RCSD1: variants seen among roughly 807,000 people sequenced by gnomAD.
RCSD1 encodes the protein capZ-interacting protein.
RCSD1 carries 26 observed loss-of-function variants against 42.5 expected under a neutral mutation model. The ratio of observed to expected loss-of-function variants is 0.61; its 90% CI spans 0.45 to 0.85. The LOEUF (loss-of-function observed/expected upper bound fraction) is 0.85, where lower values mean the gene tolerates loss of function less well. RCSD1 is among the 40% of genes least tolerant of loss of function. The pLI is 0.00. For synonymous variants in RCSD1, 220 were observed against 212.2 expected (o/e 1.04, Z -0.32); for missense variants, 571 against 528.3 (o/e 1.08, Z -0.79).
chr1:167,642,153 G>T (rs1386067042), intron 1 of RCSD1: 3 of 152,216 alleles, frequency 2.0e-5, no homozygotes, highest in African/African-American at 7.2e-5. Flanking sequence ...GGGGCAGGAA[G>T]TACCATCCTC....
chr1:167,658,354 T>G (rs962450160), intron 1 of RCSD1, among the ~76,000 whole-genome samples: 4 of 152,236 alleles, frequency 2.6e-5, no homozygotes, highest in Non-Finnish European at 2.9e-5. Context: ...TAGTGTTATA[T>G]AAACTTATCT....
At chr1:167,682,384 G>C (rs903579895) in intron 1 of RCSD1, among the ~76,000 whole-genome samples, 1 of 152,130 alleles carries the variant, frequency 6.6e-6, no homozygotes, top group Non-Finnish European at 1.5e-5. Flanking sequence ...GGCTAGACTG[G>C]TCTCGAACTT....
At chr1:167,667,475 T>G (rs1179548606) in intron 1 of RCSD1, among the ~76,000 whole-genome samples, 1 of 152,240 alleles carries the variant, frequency 6.6e-6, no homozygotes, top group African/African-American at 2.4e-5. Flanking sequence ...AACAGATATA[T>G]TCAACCACTC....
intron 1 of RCSD1, among the ~76,000 whole-genome samples, chr1:167,672,408 C>G (rs1246303667): frequency 6.6e-6 from 1 of 152,174 alleles, no homozygotes; most frequent in Non-Finnish European, 1.5e-5. Flanking sequence ...TTCTGGAGGT[C>G]AAAAGCTCAA....
intron 1 of RCSD1, among the ~76,000 whole-genome samples, chr1:167,672,707 C>A (rs6427098): frequency 0.51 from 77,789 of 151,994 alleles, 20,408 homozygotes; most frequent in East Asian, 0.65. Context: ...CCATCTGTAA[C>A]CTTAATTCCT....
intron 1 of RCSD1, among the ~76,000 whole-genome samples, chr1:167,682,172 C>CTCT (rs1659097267): frequency 7.1e-6 from 1 of 140,510 alleles, no homozygotes; most frequent in African/African-American, 2.7e-5. Flanking sequence ...TAAACGAAGC[C>CTCT]TTTTTTTTTT....
intron 2 of RCSD1, 41 bp downstream of exon 2, chr1:167,684,042 C>T (rs750302497): frequency 1.3e-6 from 2 of 1,531,524 alleles, no homozygotes; most frequent in Admixed American, 1.7e-5. Context: ...CAGCAGCGGG[C>T]AGGAGGAAAG....
At chr1:167,672,690 C>A (rs2143303) in intron 1 of RCSD1, among the ~76,000 whole-genome samples, 1 of 152,198 alleles carries the variant, frequency 6.6e-6, no homozygotes, top group Non-Finnish European at 1.5e-5. Flanking sequence ...GACTGGCAGC[C>A]TTAATTCCAT....
At chr1:167,691,462 G>C (rs1189024220) in intron 4 of RCSD1, among the ~76,000 whole-genome samples, 1 of 152,242 alleles carries the variant, frequency 6.6e-6, no homozygotes, top group Non-Finnish European at 1.5e-5. Flanking sequence ...AGGAGAGGCA[G>C]GCATGTTATG....
At chr1:167,667,129 G>A (rs571981318) in intron 1 of RCSD1, among the ~76,000 whole-genome samples, 1 of 151,914 alleles carries the variant, frequency 6.6e-6, no homozygotes, top group South Asian at 2.1e-4. Flanking sequence ...GGCTTCAAGG[G>A]AGGGGGCCGC....
At chr1:167,661,748 G>T (rs938783756) in intron 1 of RCSD1, among the ~76,000 whole-genome samples, 4 of 152,238 alleles carry the variant, frequency 2.6e-5, no homozygotes, top group African/African-American at 9.6e-5. Context: ...TACACAAGGA[G>T]CAGATTGGCC....
intron 6 of RCSD1, among the ~76,000 whole-genome samples, chr1:167,701,313 T>TTTCTTTCTTTCTTTCC (rs1659637475): frequency 1.3e-5 from 2 of 148,304 alleles, no homozygotes; most frequent in Non-Finnish European, 3.0e-5. Context: ...TCTTTCTTTC[T>TTTCTTTCTTTCTTTCC]TTCTTTTTTT....
At chr1:167,635,616 G>C (rs1230238215) in intron 1 of RCSD1, among the ~76,000 whole-genome samples, 1 of 152,226 alleles carries the variant, frequency 6.6e-6, no homozygotes, top group African/African-American at 2.4e-5. Context: ...AGGGCCGCAA[G>C]AGAAAGCATT....
intron 1 of RCSD1, among the ~76,000 whole-genome samples, chr1:167,646,107 G>A (rs1274907968): frequency 6.6e-6 from 1 of 152,226 alleles, no homozygotes; most frequent in Non-Finnish European, 1.5e-5. Flanking sequence ...GGCAGAGTTA[G>A]AGAGAAAGTG....
At chr1:167,691,735 G>A (rs763223422) in intron 4 of RCSD1, among the ~76,000 whole-genome samples, 33 of 152,244 alleles carry the variant, frequency 2.2e-4, no homozygotes, top group Non-Finnish European at 3.7e-4. Context: ...TTCTGGCCAT[G>A]AGCCTACCCT....
At position 167,704,842 on chromosome 1, in the gene RCSD1, T is replaced by C. The variant is rs1659719562; in HGVS notation, c.*146T>C. On this transcript the variant is annotated 3_prime_UTR_variant, in exon 7 of 7. Coordinates refer to ENST00000367854, the MANE Select transcript of RCSD1 (RefSeq NM_052862.4). Reference sequence around the variant, plus strand: ...AGTCAGCCTGAAGACACAGGGTGGATTATTTCCTGGCCTCCACACCAAACG... The same window carrying C: ...AGTCAGCCTGAAGACACAGGGTGGACTATTTCCTGGCCTCCACACCAAACG... 1.4e-6 allele frequency: 1 copy of C among 739,838 alleles called. No individual in the cohort carries two copies. Among genetic ancestry groups the C allele is most frequent in the Non-Finnish European group, 2.3e-6 (1 of 440,278 alleles). The allele number at this position is 739,838 out of a possible 1,614,324, so 45.8% of individuals were successfully genotyped here.
chr1:167,656,228 A>G (rs1480216108), intron 1 of RCSD1, among the ~76,000 whole-genome samples: 1 of 152,216 alleles, frequency 6.6e-6, no homozygotes, highest in Non-Finnish European at 1.5e-5. Flanking sequence ...ACTTGAACCC[A>G]GGTCTTTTCA....
intron 1 of RCSD1, chr1:167,640,385 C>T (rs1041943899): frequency 2.0e-5 from 3 of 152,228 alleles, no homozygotes; most frequent in African/African-American, 7.2e-5. Flanking sequence ...TTTGCCACAC[C>T]TTCTCCTCTG....
intron 1 of RCSD1, among the ~76,000 whole-genome samples, chr1:167,670,485 T>C (rs1325891677): frequency 6.6e-6 from 1 of 152,160 alleles, no homozygotes; most frequent in Admixed American, 6.5e-5. Flanking sequence ...AATGGTTGTG[T>C]GTAACCCCCT....
Sources: allele counts gnomAD v4.1 joint callset (sites outside exome capture counted in the v4.1 genomes callset), GRCh38; gene constraint gnomAD v4.1.1; transcripts MANE v1.5; gene names NCBI Gene and HGNC (gene_info 2026-07-23, HGNC 2026-07-21).